Variants in KCNH5 observed in about 807,000 individuals in gnomAD.
The protein encoded by KCNH5 is voltage-gated delayed rectifier potassium channel KCNH5.
A neutral mutation model predicts 96.1 loss-of-function variants in KCNH5; 46 were observed. The observed-to-expected ratio is 0.48, with a 90% CI of 0.38 to 0.61. The LOEUF (loss-of-function observed/expected upper bound fraction) is 0.61, where lower values mean the gene tolerates loss of function less well. Among genes scored for constraint, KCNH5 ranks in the 20% least tolerant of loss-of-function variants. The pLI, the probability that KCNH5 is intolerant of heterozygous loss-of-function variation, is 0.00. For synonymous variants in KCNH5, 439 were observed against 449.8 expected, an observed-to-expected ratio of 0.98 and a Z score of 0.30; for missense variants, 907 against 1,225.8, an observed-to-expected ratio of 0.74 and a Z score of 3.88.
chr14:62,947,772 C>T (rs1003322959), intron 7 of KCNH5, among the ~76,000 whole-genome samples: 2 of 151,690 alleles, frequency 1.3e-5, no homozygotes, highest in South Asian at 2.1e-4. Context: ...GCTCAAGAGG[C>T]GCTAATAATG....
At chr14:63,009,104 CAT>C (rs1295258402) in intron 2 of KCNH5, among the ~76,000 whole-genome samples, 2 of 151,944 alleles carry the variant, frequency 1.3e-5, no homozygotes, top group East Asian at 1.9e-4. Context: ...TAAACTGAAA[CAT>C]AATATTCGCA....
chr14:62,784,036 A>G (rs1886271865), intron 9 of KCNH5, among the ~76,000 whole-genome samples: 1 of 152,110 alleles, frequency 6.6e-6, no homozygotes. Context: ...CACACTGCTA[A>G]TAAAGAATGA....
At chr14:62,790,608 G>A (rs1415539341) in intron 9 of KCNH5, among the ~76,000 whole-genome samples, 1 of 150,140 alleles carries the variant, frequency 6.7e-6, no homozygotes, top group Admixed American at 6.6e-5. Flanking sequence ...GTTCCTTGTG[G>A]AGCAGGGCTA....
intron 7 of KCNH5, among the ~76,000 whole-genome samples, chr14:62,927,075 A>C (rs1227593908): frequency 6.6e-6 from 1 of 152,170 alleles, no homozygotes; most frequent in Non-Finnish European, 1.5e-5. Flanking sequence ...AGATTCAATA[A>C]AGGGCAAAGA....
intron 10 of KCNH5, among the ~76,000 whole-genome samples, chr14:62,711,649 G>A (rs1327336718): frequency 2.0e-5 from 3 of 152,124 alleles, no homozygotes; most frequent in Non-Finnish European, 2.9e-5. Context: ...AATGCACAGC[G>A]GAAAAACATG....
intron 5 of KCNH5, among the ~76,000 whole-genome samples, chr14:62,986,178 A>G (rs754564348): frequency 4.6e-5 from 7 of 152,190 alleles, no homozygotes; most frequent in African/African-American, 1.7e-4. Context: ...TAGGCCAAGC[A>G]GGAGTTTTTA....
chr14:62,950,610 A>G (rs1030441065), intron 6 of KCNH5, 51 bp from the exon 7 acceptor site: 4 of 1,444,510 alleles, frequency 2.8e-6, no homozygotes, highest in African/African-American at 2.8e-5. Flanking sequence ...GGAAAAAAAA[A>G]GGCTGGGGAA....
chr14:62,994,259 T>A (rs150659696), intron 4 of KCNH5, among the ~76,000 whole-genome samples: 80 of 152,216 alleles, frequency 5.3e-4, no homozygotes, highest in Admixed American at 1.7e-3. Context: ...TTGGCTGTTA[T>A]TTTTTATTCT....
At chr14:62,895,667 C>T (rs757285393) in intron 7 of KCNH5, among the ~76,000 whole-genome samples, 3 of 152,092 alleles carry the variant, frequency 2.0e-5, no homozygotes, top group Non-Finnish European at 4.4e-5. Flanking sequence ...AATAAATATG[C>T]ACCATATGCC....
chr14:62,904,959 CTCAT>C (rs1566702397), intron 7 of KCNH5, among the ~76,000 whole-genome samples: 1 of 152,194 alleles, frequency 6.6e-6, no homozygotes, highest in Non-Finnish European at 1.5e-5. Flanking sequence ...ATAAAGGACA[CTCAT>C]TTATAAAATT....
intron 6 of KCNH5, among the ~76,000 whole-genome samples, chr14:62,978,530 TGAG>T (rs1890544786): frequency 6.8e-6 from 1 of 147,436 alleles, no homozygotes; most frequent in Non-Finnish European, 1.5e-5. Flanking sequence ...GAGCTTGCAG[TGAG>T]CCGAGACAGA....
chr14:62,895,456 G>A (rs1450114960), intron 7 of KCNH5, among the ~76,000 whole-genome samples: 2 of 151,746 alleles, frequency 1.3e-5, no homozygotes, highest in Non-Finnish European at 2.9e-5. Flanking sequence ...TCAGCCTCCC[G>A]AGTAGCTGGG....
intron 8 of KCNH5, among the ~76,000 whole-genome samples, chr14:62,818,534 T>C (rs777644816): frequency 9.2e-5 from 14 of 152,132 alleles, no homozygotes; most frequent in Non-Finnish European, 2.1e-4. Context: ...TTGAAGAACA[T>C]GTAGAACATC....
chr14:63,005,861 GAAC>G (rs1264609365), intron 3 of KCNH5, among the ~76,000 whole-genome samples: 5 of 152,268 alleles, frequency 3.3e-5, no homozygotes, highest in Non-Finnish European at 5.9e-5. Flanking sequence ...CTTGTTCTGA[GAAC>G]AACGACTACT....
intron 10 of KCNH5, among the ~76,000 whole-genome samples, chr14:62,764,758 C>T (rs1022627725): frequency 6.6e-6 from 1 of 152,088 alleles, no homozygotes; most frequent in Non-Finnish European, 1.5e-5. Flanking sequence ...AGAATGCAAT[C>T]CCACTGACAA....
At chr14:62,882,127 A>G (rs1293107992) in intron 7 of KCNH5, among the ~76,000 whole-genome samples, 1 of 118,534 alleles carries the variant, frequency 8.4e-6, no homozygotes, top group African/African-American at 3.1e-5. Flanking sequence ...AAAAAAAAAA[A>G]GCTGGGGCAT....
At chr14:62,895,338 T>C (rs1888789652) in intron 7 of KCNH5, among the ~76,000 whole-genome samples, 1 of 152,088 alleles carries the variant, frequency 6.6e-6, no homozygotes. Flanking sequence ...TCATGACTTT[T>C]TTTTTTTTTG....
In KCNH5 at chr14:62,981,004, G is replaced by A. The variant is rs376391048; in HGVS notation, c.810C>T (p.Phe270=). The A allele has an allele frequency of 3.0e-5, 49 of 1,614,100 alleles. No homozygotes were observed. The highest frequency in any genetic ancestry group is 2.0e-4 in the Admixed American group (12 of 60,018). Residue 270 remains phenylalanine, a synonymous_variant, in exon 6 of 11, where the codon TTC becomes TTT. Transcript: ENST00000322893. ...VDIVLNFHTT[F]VGPGGEVISD... Reference sequence around the variant, plus strand: ...AAATGACCTCTCCACCGGGCCCCACGAAAGTCGTGTGAAAATTTAAAACGA... The same window carrying A: ...AAATGACCTCTCCACCGGGCCCCACAAAAGTCGTGTGAAAATTTAAAACGA...
At chr14:62,712,437 G>C in intron 10 of KCNH5, 1 of 576,310 alleles carries the variant, frequency 1.7e-6, no homozygotes. Context: ...GTAGGACACA[G>C]GTCATATTAT....
Sources: gnomAD v4.1 joint callset for allele counts (sites outside exome capture counted in the v4.1 genomes callset) on GRCh38, gnomAD v4.1.1 for gene constraint, MANE v1.5 for transcripts, NCBI Gene and HGNC (gene_info 2026-07-23, HGNC 2026-07-21) for gene names.